PCDHGA2: variants seen among roughly 807,000 people sequenced by gnomAD.
The protein encoded by PCDHGA2 is protocadherin gamma subfamily A, 2.
In PCDHGA2, 40 loss-of-function variants were observed where a neutral mutation model predicts 59.2. That is an observed-to-expected ratio of 0.68 (90% confidence interval 0.52 to 0.88). The LOEUF (loss-of-function observed/expected upper bound fraction) is 0.88, where lower values mean the gene tolerates loss of function less well. PCDHGA2 is among the 40% of genes least tolerant of loss of function. The pLI is 0.00. For synonymous variants in PCDHGA2, 560 were observed against 526.0 expected, an observed-to-expected ratio of 1.06 and a Z score of -0.89; for missense variants, 1,226 against 1,204.0, an observed-to-expected ratio of 1.02 and a Z score of -0.27.
At chr5:141,446,718 C>G (rs1279970040) in intron 1 of PCDHGA2, among the ~76,000 whole-genome samples, 1 of 152,174 alleles carries the variant, frequency 6.6e-6, no homozygotes, top group Non-Finnish European at 1.5e-5. Flanking sequence ...CTGCCCGCCT[C>G]GGCCTCCCAA....
At chr5:141,375,253 C>T in intron 1 of PCDHGA2, 1 of 1,613,916 alleles carries the variant, frequency 6.2e-7, no homozygotes, top group East Asian at 2.2e-5. Flanking sequence ...CGAGAAGTCT[C>T]CCATTTGAAT....
At chr5:141,344,585 C>G (rs1757440405) in intron 1 of PCDHGA2, 8 of 1,613,976 alleles carry the variant, frequency 5.0e-6, no homozygotes, top group Non-Finnish European at 5.1e-6. Flanking sequence ...CTGTGAATAG[C>G]GTCTCTGAGG....
intron 1 of PCDHGA2, chr5:141,377,978 G>C (rs1774513116): frequency 6.6e-6 from 1 of 151,944 alleles, no homozygotes; most frequent in South Asian, 2.1e-4. Flanking sequence ...TATGTTCCTG[G>C]GTTGCAATCC....
chr5:141,389,048 T>C, intron 1 of PCDHGA2: 1 of 1,613,976 alleles, frequency 6.2e-7, no homozygotes, highest in East Asian at 2.2e-5. Context: ...AAGGTGATGT[T>C]CCATTTAAAA....
At chr5:141,482,943 G>T (rs2099574928) in intron 1 of PCDHGA2, among the ~76,000 whole-genome samples, 1 of 152,086 alleles carries the variant, frequency 6.6e-6, no homozygotes, top group Non-Finnish European at 1.5e-5. Context: ...TGTGGTTGTG[G>T]GTGCCTGTAA....
intron 1 of PCDHGA2, chr5:141,384,147 T>A: frequency 6.2e-7 from 1 of 1,613,270 alleles, no homozygotes; most frequent in Non-Finnish European, 8.5e-7. Flanking sequence ...AAACACTCTC[T>A]TTGTATAACA....
rs1562106021 is a variant in PCDHGA2 at position 141,485,561 on chromosome 5, G to T, written c.2425-9246G>T. 6.2e-7 allele frequency: 1 copy of T among 1,613,008 alleles called. No individual in the cohort carries two copies. Among genetic ancestry groups the T allele is most frequent in the Non-Finnish European group, 8.5e-7 (1 of 1,179,122 alleles). ...AGAGATCGTAGATGTGAATGATCAC[G>T]CCCCCCGTTTTCCGCGGCAGCAGCT... On this transcript the variant is annotated intron_variant, in intron 1 of 3. Coordinates refer to ENST00000394576, the MANE Select transcript of PCDHGA2 (RefSeq NM_018915.4). The surrounding 1 kb of genome is among the most constrained non-coding windows in gnomAD (Gnocchi z 5.7).
intron 1 of PCDHGA2, chr5:141,361,812 G>A (rs748753973): frequency 1.9e-6 from 3 of 1,613,072 alleles, no homozygotes; most frequent in Non-Finnish European, 1.7e-6. Context: ...ATGACAATGC[G>A]CCACGGGTGC....
chr5:141,468,339 A>G (rs1320544911), intron 1 of PCDHGA2: 2 of 151,348 alleles, frequency 1.3e-5, no homozygotes, highest in Non-Finnish European at 2.9e-5. Context: ...TCAAAAAAAA[A>G]AAAAAAAAAA....
rs774992336 is a variant in PCDHGA2, at chr5:141,409,845, T to G, written c.2424+68450T>G. The G allele has an allele frequency of 7.4e-6, 12 of 1,611,748 alleles. No homozygotes were observed. In the African/African-American group the frequency reaches 1.6e-4, roughly 22 times the overall value. On this transcript the variant is annotated intron_variant, in intron 1 of 3. Coordinates refer to ENST00000394576, the MANE Select transcript of PCDHGA2 (RefSeq NM_018915.4). ...CCCACGCTCAGCGCCAACGTGAGCCTGCGCGTGTTGGTGGGAGACCGCAAT... is the reference window on the plus strand; with the variant it reads ...CCCACGCTCAGCGCCAACGTGAGCCGGCGCGTGTTGGTGGGAGACCGCAAT...
intron 2 of PCDHGA2, 69 bp from the exon 3 acceptor site, chr5:141,505,324 G>T: frequency 6.2e-7 from 1 of 1,607,102 alleles, no homozygotes; most frequent in African/African-American, 1.3e-5. Context: ...GGAGCCCTGG[G>T]AGAGGACAGG....
chr5:141,375,611 G>A lies in PCDHGA2; in HGVS notation c.2424+34216G>A, dbSNP rs1049659012. 8 of 1,614,060 alleles carry A rather than the reference G, an allele frequency of 5.0e-6. No individual in the cohort carries two copies. The African/African-American group carries it at 8.0e-5, about 16-fold the overall frequency. On this transcript the variant is annotated intron_variant, in intron 1 of 3. Transcript: ENST00000394576. ...GTCCTCCTACGTGTCCATCAACTCC[G>A]ACACTGGGATTCTGTACGCCCTGCG...
intron 1 of PCDHGA2, chr5:141,361,589 G>A (rs768038039): frequency 1.2e-6 from 2 of 1,614,024 alleles, no homozygotes; most frequent in Non-Finnish European, 1.7e-6. Flanking sequence ...GGCCCCAGTG[G>A]CCAAGTTTCC....
At chr5:141,393,619 C>G (rs768350628) in intron 1 of PCDHGA2, 2 of 1,613,826 alleles carry the variant, frequency 1.2e-6, no homozygotes, top group Non-Finnish European at 1.7e-6. Flanking sequence ...GCCAGCGACC[C>G]GGATGAGGGA....
intron 1 of PCDHGA2, chr5:141,393,467 C>G (rs1589192441): frequency 6.2e-7 from 1 of 1,614,044 alleles, no homozygotes; most frequent in East Asian, 2.2e-5. Flanking sequence ...CGGATGGCGG[C>G]AAGCCGCCTC....
chr5:141,340,165 A>G lies in PCDHGA2; in HGVS notation c.1194A>G (p.Val398=), dbSNP rs1756912667. The G allele has an allele frequency of 1.9e-6, 3 of 1,614,212 alleles. No homozygotes were observed. The highest frequency in any genetic ancestry group is 4.5e-5 in the East Asian group (2 of 44,872). Residue 398 remains valine, a synonymous_variant, in exon 1 of 4, where the codon GTA becomes GTG. Transcript: ENST00000394576. ...TTCCTTTTAAGTTAGAAAAGTCAGT[A>G]GACAATTACTACCGACTGGTTACAA... ...EDLPFKLEKS[V]DNYYRLVTTR... is the part of the protein sequence containing the mutation.
chr5:141,454,366 GT>G (rs2098787984), intron 1 of PCDHGA2, among the ~76,000 whole-genome samples: 1 of 152,166 alleles, frequency 6.6e-6, no homozygotes, highest in Admixed American at 6.5e-5. Flanking sequence ...TTAGAAAGGA[GT>G]ATGGCAACTT....
chr5:141,374,558 G>C, intron 1 of PCDHGA2: 1 of 1,613,642 alleles, frequency 6.2e-7, no homozygotes, highest in Non-Finnish European at 8.5e-7. Context: ...GGAGGTCTAT[G>C]ACCCTGATGT....
intron 1 of PCDHGA2, chr5:141,395,626 G>A (rs57582939): frequency 0.038 from 6,997 of 184,208 alleles, 191 homozygotes; most frequent in African/African-American, 0.067. Context: ...TTATCAAGAA[G>A]TCTAAAGCCT....
Sources: gnomAD v4.1 joint callset for allele counts (sites outside exome capture counted in the v4.1 genomes callset) on GRCh38, gnomAD v4.1.1 for gene constraint, Gnocchi (gnomAD v3.1) non-coding constraint, MANE v1.5 for transcripts, NCBI Gene and HGNC (gene_info 2026-07-23, HGNC 2026-07-21) for gene names.